The following ESRRG variants were observed in gnomAD, a reference collection of about 807,000 sequenced individuals.
The protein encoded by ESRRG is estrogen-related receptor gamma.
In ESRRG, 13 loss-of-function variants were observed where a neutral mutation model predicts 44.0. That is an observed-to-expected ratio of 0.30 (90% CI 0.19 to 0.47). The LOEUF (loss-of-function observed/expected upper bound fraction) is 0.47. Among genes scored for constraint, ESRRG ranks in the 20% least tolerant of loss-of-function variants. The pLI is 1.00. For synonymous variants in ESRRG, 215 were observed against 214.6 expected (o/e 1.00, Z -0.02); for missense variants, 395 against 580.6 (o/e 0.68, Z 3.29).
intron 1 of ESRRG, among the ~76,000 whole-genome samples, chr1:216,688,168 G>A (rs1195486046): frequency 3.9e-5 from 6 of 152,168 alleles, no homozygotes; most frequent in Non-Finnish European, 8.8e-5. Context: ...TTCATTAAGA[G>A]AAAGCAGGCG....
At chr1:217,130,251 G>A (rs553730099) in intron 1 of ESRRG, among the ~76,000 whole-genome samples, 2 of 152,154 alleles carry the variant, frequency 1.3e-5, no homozygotes, top group African/African-American at 4.8e-5. Flanking sequence ...TATTTATAGA[G>A]AGAGGGGGTC....
intron 1 of ESRRG, among the ~76,000 whole-genome samples, chr1:217,111,666 C>G (rs976795423): frequency 6.6e-6 from 1 of 152,118 alleles, no homozygotes; most frequent in Non-Finnish European, 1.5e-5. Flanking sequence ...TGTGAAACCA[C>G]AGAGGCTCCT....
At chr1:216,534,534 C>A (rs1014297864) in intron 5 of ESRRG, among the ~76,000 whole-genome samples, 1 of 152,090 alleles carries the variant, frequency 6.6e-6, no homozygotes, top group Non-Finnish European at 1.5e-5. Context: ...AACAAAAATT[C>A]ATGCTGAAAT....
chr1:216,684,160 C>T (rs1360305630), intron 1 of ESRRG, among the ~76,000 whole-genome samples: 2 of 152,180 alleles, frequency 1.3e-5, no homozygotes, highest in African/African-American at 4.8e-5. Flanking sequence ...GCTGTGCAAG[C>T]TGGAAGTGAC....
intron 2 of ESRRG, among the ~76,000 whole-genome samples, chr1:216,842,076 A>T (rs569201179): frequency 6.6e-6 from 1 of 152,326 alleles, no homozygotes; most frequent in South Asian, 2.1e-4. Context: ...AGGCCAGAAG[A>T]TAAGCCTCTT....
intron 5 of ESRRG, among the ~76,000 whole-genome samples, chr1:216,548,470 A>G (rs1380827824): frequency 1.3e-5 from 2 of 152,138 alleles, no homozygotes; most frequent in Admixed American, 6.6e-5. Flanking sequence ...CAGATGAGGC[A>G]GAGGTCTTGA....
chr1:216,740,638 A>G (rs1313080735), intron 2 of ESRRG, among the ~76,000 whole-genome samples: 48 of 151,678 alleles, frequency 3.2e-4, no homozygotes, highest in Non-Finnish European at 2.9e-5. Context: ...ATTAAAAAAA[A>G]AAAGAAGAAA....
At chr1:216,552,202 T>C (rs1167768273) in intron 5 of ESRRG, among the ~76,000 whole-genome samples, 2 of 152,160 alleles carry the variant, frequency 1.3e-5, no homozygotes, top group Non-Finnish European at 2.9e-5. Context: ...ATAAATCATG[T>C]ATATCTATAT....
chr1:216,872,426 T>C (rs888815732), intron 2 of ESRRG, among the ~76,000 whole-genome samples: 1 of 152,192 alleles, frequency 6.6e-6, no homozygotes, highest in African/African-American at 2.4e-5. Flanking sequence ...ACTCCTACGA[T>C]GCAAATGTTA....
chr1:216,573,112 A>C (rs1026676318), intron 3 of ESRRG, among the ~76,000 whole-genome samples: 5 of 152,006 alleles, frequency 3.3e-5, no homozygotes, highest in Non-Finnish European at 7.4e-5. Flanking sequence ...AAAATGAAGG[A>C]TAACTAATAA....
intron 1 of ESRRG, among the ~76,000 whole-genome samples, chr1:217,132,032 G>C (rs2092973731): frequency 1.3e-5 from 2 of 152,226 alleles, no homozygotes; most frequent in South Asian, 4.1e-4. Context: ...CATTGCTGGA[G>C]CTCTGGAGTT....
intron 2 of ESRRG, among the ~76,000 whole-genome samples, chr1:216,872,978 T>C (rs371475886): frequency 1.6e-4 from 25 of 152,182 alleles, no homozygotes; most frequent in African/African-American, 6.0e-4. Flanking sequence ...TTGATGAGTT[T>C]CAGTCCACAA....
At chr1:216,693,782 G>T (rs948104044) in intron 1 of ESRRG, among the ~76,000 whole-genome samples, 4 of 152,094 alleles carry the variant, frequency 2.6e-5, no homozygotes, top group African/African-American at 7.2e-5. Flanking sequence ...CAGACATGGA[G>T]AAATGACTGT....
At chr1:216,844,518 A>T (rs1388859064) in intron 2 of ESRRG, among the ~76,000 whole-genome samples, 1 of 152,068 alleles carries the variant, frequency 6.6e-6, no homozygotes, top group Non-Finnish European at 1.5e-5. Flanking sequence ...CAACCTGTGC[A>T]CCAGGCTGTG....
At chr1:217,137,376 TACTA>T (rs1199862674) in intron 1 of ESRRG, among the ~76,000 whole-genome samples, 1 of 152,002 alleles carries the variant, frequency 6.6e-6, no homozygotes, top group East Asian at 1.9e-4. Flanking sequence ...AATGCAGAAA[TACTA>T]AGGGGGCTCA....
intron 2 of ESRRG, among the ~76,000 whole-genome samples, chr1:216,829,625 GCTCACTCCAACCTCCGC>G (rs1252504599): frequency 2.0e-5 from 3 of 150,962 alleles, no homozygotes; most frequent in Admixed American, 1.3e-4. Context: ...CGCCATCTTG[GCTCACTCCAACCTCCGC>G]CTCCTGGGTT....
intron 2 of ESRRG, among the ~76,000 whole-genome samples, chr1:216,899,881 G>A (rs921442152): frequency 6.6e-6 from 1 of 152,044 alleles, no homozygotes; most frequent in African/African-American, 2.4e-5. Flanking sequence ...AGGCCCAAAA[G>A]GTAGCTGGAT....
chr1:216,666,383 G>A (rs2073933965), intron 2 of ESRRG, among the ~76,000 whole-genome samples: 1 of 152,154 alleles, frequency 6.6e-6, no homozygotes, highest in Admixed American at 6.5e-5. Context: ...ACAAAAACAT[G>A]CATTTTGAAA....
rs555346732 is a variant in ESRRG, at chr1:216,504,251, C to G, written c.*2688G>C. 1.3e-5 allele frequency: 2 copies of G among 152,072 alleles called. No homozygotes were observed. Among genetic ancestry groups the G allele is most frequent in the East Asian group, 3.9e-4 (2 of 5,190 alleles). 9.4% of individuals were successfully genotyped at this position (152,072 alleles called of 1,614,324 possible). ...TTGAATAGTAGCAACTTAAACCCTGCACAAACTTTCTGGAAAATAATCTTT... is the reference window on the plus strand; with the variant it reads ...TTGAATAGTAGCAACTTAAACCCTGGACAAACTTTCTGGAAAATAATCTTT... On this transcript the variant is annotated 3_prime_UTR_variant, in exon 7 of 7. Transcript: ENST00000408911.
Sources: gnomAD v4.1 joint callset for allele counts (sites outside exome capture counted in the v4.1 genomes callset) on GRCh38, gnomAD v4.1.1 for gene constraint, MANE v1.5 for transcripts, NCBI Gene and HGNC (gene_info 2026-07-23, HGNC 2026-07-21) for gene names.